Variants in AOAH observed in about 807,000 individuals in gnomAD.
The protein encoded by AOAH is acyloxyacyl hydrolase (neutrophil).
In AOAH, 64 loss-of-function variants were observed where a neutral mutation model predicts 92.2. That is an observed-to-expected ratio of 0.69 (90% CI 0.57 to 0.86). AOAH has a LOEUF of 0.86. Ranked by LOEUF, AOAH falls within the 40% of genes least tolerant of loss-of-function variation. The pLI is 0.00. For synonymous variants in AOAH, 263 were observed against 254.5 expected, an observed-to-expected ratio of 1.03 and a Z score of -0.32; for missense variants, 656 against 694.6, an observed-to-expected ratio of 0.94 and a Z score of 0.62.
At chr7:36,515,514 A>C (rs1285966204) in intron 20 of AOAH, among the ~76,000 whole-genome samples, 1 of 74,452 alleles carries the variant, frequency 1.3e-5, no homozygotes, top group African/African-American at 5.4e-5. Context: ...CACACCCCCA[A>C]ACACCACACA....
At chr7:36,537,506 G>GTTTTTTTTTTTTTTT (rs67918250) in intron 16 of AOAH, among the ~76,000 whole-genome samples, 48 of 134,764 alleles carry the variant, frequency 3.6e-4, no homozygotes, top group East Asian at 8.9e-4. Flanking sequence ...CACCCCTCTT[G>GTTTTTTTTTTTTTTT]TTTTTTTTTT....
intron 11 of AOAH, among the ~76,000 whole-genome samples, chr7:36,605,784 A>G (rs142811671): frequency 6.6e-6 from 1 of 152,320 alleles, no homozygotes; most frequent in Admixed American, 6.5e-5. Flanking sequence ...CATCGAGTTG[A>G]TCAGAATTCA....
In AOAH at chr7:36,616,435, G is replaced by A. The variant is rs143040096; in HGVS notation, c.791C>T (p.Ala264Val). The change falls in exon 11 of 21, where the codon GCT (alanine) becomes GTT (valine). Residue 264 changes from alanine (A) to valine (V), a missense_variant. By Grantham distance (64) the Ala-to-Val change is moderately conservative. Coordinates refer to ENST00000617537, the MANE Select transcript of AOAH (RefSeq NM_001637.4). ...AGGAGAGATGTGAAAATGAGCCCCA[G>A]CTGAGTCTCCCAGCAAAATGATTCC... ...PRGIILLGDS[A>V]GAHFHISPEW... 5 of 1,614,016 alleles carry A rather than the reference G, an allele frequency of 3.1e-6. No homozygotes were observed. Among genetic ancestry groups the A allele is most frequent in the African/African-American group, 1.3e-5 (1 of 74,920 alleles).
intron 1 of AOAH, among the ~76,000 whole-genome samples, chr7:36,695,754 G>A (rs1797670350): frequency 6.6e-6 from 1 of 152,244 alleles, no homozygotes; most frequent in Middle Eastern, 3.4e-3. Flanking sequence ...CCAAATCTGT[G>A]GCTAATCTTT....
chr7:36,517,338 TGGA>T (rs1783844816), intron 20 of AOAH, among the ~76,000 whole-genome samples: 2 of 151,312 alleles, frequency 1.3e-5, no homozygotes, highest in South Asian at 4.2e-4. Flanking sequence ...CCACTCAGGC[TGGA>T]GTGCAGTGGC....
chr7:36,698,343 AG>A (rs1048774416), intron 1 of AOAH, among the ~76,000 whole-genome samples: 12 of 152,144 alleles, frequency 7.9e-5, no homozygotes, highest in African/African-American at 2.9e-4. Flanking sequence ...ATCTAGCTAA[AG>A]GTTTATCAAT....
chr7:36,670,164 T>C (rs1277764820), intron 3 of AOAH, among the ~76,000 whole-genome samples: 2 of 152,054 alleles, frequency 1.3e-5, no homozygotes, highest in African/African-American at 4.8e-5. Flanking sequence ...TGGTGTGAAA[T>C]AATAAGGAAG....
At chr7:36,593,953 G>T (rs57562271) in intron 12 of AOAH, among the ~76,000 whole-genome samples, 2,141 of 152,268 alleles carry the variant, frequency 0.014, 64 homozygotes, top group African/African-American at 0.048. Flanking sequence ...CAAATCTGGG[G>T]CATTAAAGCC....
chr7:36,669,911 T>A (rs1010577313), intron 3 of AOAH, among the ~76,000 whole-genome samples: 3 of 152,178 alleles, frequency 2.0e-5, no homozygotes, highest in Non-Finnish European at 4.4e-5. Flanking sequence ...AGAGTCAGGC[T>A]TGCTACAGGA....
At chr7:36,660,462 CCCA>C (rs1324877701) in intron 3 of AOAH, among the ~76,000 whole-genome samples, 1 of 152,120 alleles carries the variant, frequency 6.6e-6, no homozygotes, top group African/African-American at 2.4e-5. Flanking sequence ...ATTATAGGCA[CCCA>C]CCACCATGCT....
At chr7:36,515,850 C>T (rs1400097991) in intron 20 of AOAH, among the ~76,000 whole-genome samples, 3 of 131,048 alleles carry the variant, frequency 2.3e-5, no homozygotes, top group Non-Finnish European at 4.9e-5. Flanking sequence ...CGTCACACAC[C>T]CCCCACATAC....
chr7:36,693,653 C>T (rs1169960941), intron 1 of AOAH, among the ~76,000 whole-genome samples: 1 of 152,048 alleles, frequency 6.6e-6, no homozygotes, highest in East Asian at 1.9e-4. Flanking sequence ...CTGGATTGAG[C>T]TTTCTTTGTT....
chr7:36,559,214 G>A (rs1398353628), intron 13 of AOAH, among the ~76,000 whole-genome samples: 1 of 152,134 alleles, frequency 6.6e-6, no homozygotes, highest in Non-Finnish European at 1.5e-5. Flanking sequence ...TGAATATATG[G>A]GTACATATGC....
intron 1 of AOAH, among the ~76,000 whole-genome samples, chr7:36,721,155 C>T (rs955214119): frequency 2.6e-5 from 4 of 152,160 alleles, no homozygotes; most frequent in Non-Finnish European, 5.9e-5. Flanking sequence ...CATCAGAGTC[C>T]CTTGCCAGAA....
intron 1 of AOAH, among the ~76,000 whole-genome samples, chr7:36,710,664 T>C (rs1798712880): frequency 6.6e-6 from 1 of 152,224 alleles, no homozygotes; most frequent in Non-Finnish European, 1.5e-5. Flanking sequence ...AGAAAGCTAA[T>C]ACACTGTGCA....
In AOAH at chr7:36,656,025, G is replaced by A. The variant is rs1794862986; in HGVS notation, c.390+3141C>T. Among the ~76,000 whole-genome samples the A allele has an allele frequency of 2.0e-5, 3 of 152,168 alleles. No homozygotes were observed. The South Asian group carries it at 6.2e-4, about 31-fold the overall frequency. ...ATAATCCACCAAGTGGAAGGACAGA[G>A]TGAGAAATTGCTTTCCAGGCAAAGG... is the stretch of plus-strand genomic sequence containing the variant. On this transcript the variant is annotated intron_variant, in intron 4 of 20. Transcript: ENST00000617537.
chr7:36,555,457 G>A (rs890103407), intron 13 of AOAH, among the ~76,000 whole-genome samples: 3 of 152,120 alleles, frequency 2.0e-5, no homozygotes, highest in Admixed American at 6.5e-5. Flanking sequence ...TTTTTTGGTT[G>A]TGTTTCTGCC....
At chr7:36,647,905 A>T (rs1794322028) in intron 4 of AOAH, among the ~76,000 whole-genome samples, 1 of 150,778 alleles carries the variant, frequency 6.6e-6, no homozygotes. Flanking sequence ...ATCTTGGCTC[A>T]CAGCAACCTC....
In AOAH at chr7:36,525,905, A is replaced by G. The variant is rs112514909; in HGVS notation, c.1523-3790T>C. 1.1e-4 allele frequency among the ~76,000 whole-genome samples: 16 copies of G among 152,240 alleles called. 1 individual carries two copies. The highest frequency in any genetic ancestry group is 3.9e-4 in the African/African-American group (16 of 41,554). ...CTTGAGCAATCCCATAATTGTGGGG[A>G]TCATAAAAGGAAAACTCAGGAGAAA... On this transcript the variant is annotated intron_variant, in intron 19 of 20. Transcript: ENST00000617537.
Sources: allele counts gnomAD v4.1 joint callset (sites outside exome capture counted in the v4.1 genomes callset), GRCh38; gene constraint gnomAD v4.1.1; transcripts MANE v1.5; gene names NCBI Gene and HGNC (gene_info 2026-07-23, HGNC 2026-07-21).